Variants in PTPN9 observed in about 807,000 individuals in gnomAD.
The protein encoded by PTPN9 is tyrosine-protein phosphatase non-receptor type 9.
A neutral mutation model predicts 69.8 loss-of-function variants in PTPN9; 26 were observed. That is an observed-to-expected ratio of 0.37 (90% CI 0.27 to 0.52). PTPN9 has a LOEUF of 0.52. PTPN9 is among the 20% of genes least tolerant of loss of function. The pLI, the probability that PTPN9 is intolerant of heterozygous loss-of-function variation, is 0.91. For synonymous variants in PTPN9, 274 were observed against 272.5 expected (o/e 1.01, Z -0.05); for missense variants, 549 against 740.3 (o/e 0.74, Z 3.00).
At chr15:75,480,533 C>G (rs1476300898) in intron 8 of PTPN9, 1 of 344,342 alleles carries the variant, frequency 2.9e-6, no homozygotes, top group East Asian at 6.0e-5. Context: ...GGGCTGGGGT[C>G]GGTGGCTTAG....
rs1488952350 is a variant in PTPN9 at position 75,573,334 on chromosome 15, G to A, written c.63+5380C>T. Among the ~76,000 whole-genome samples, 6 of 152,246 alleles carry A rather than the reference G, an allele frequency of 3.9e-5. No homozygotes were observed. The East Asian group carries it at 7.7e-4, about 20-fold the overall frequency. ...AGGAGTTTAGAAAAGATACTGTTAC[G>A]ATTGTTATTCATATAAGCTCCTTAA... On this transcript the variant is annotated intron_variant, in intron 1 of 12. Coordinates refer to ENST00000618819, the MANE Select transcript of PTPN9 (RefSeq NM_002833.4).
intron 8 of PTPN9, among the ~76,000 whole-genome samples, chr15:75,482,986 A>G (rs2074652698): frequency 6.6e-6 from 1 of 152,096 alleles, no homozygotes; most frequent in Non-Finnish European, 1.5e-5. Context: ...ATCATCAGCC[A>G]TCATGGAAAT....
In PTPN9 at chr15:75,490,053, T is replaced by C. The variant is rs76740556; in HGVS notation, c.1062+155A>G. ...AGATGGGCATTTGAGGACTTGCCTA[T>C]GGTCACAGACTAGTATGTAGCAAAA... is the stretch of plus-strand genomic sequence containing the variant. On this transcript the variant is annotated intron_variant, in intron 8 of 12. Transcript: ENST00000618819. Among the ~76,000 whole-genome samples, 18 of 152,358 alleles carry C rather than the reference T, an allele frequency of 1.2e-4. No individual in the cohort carries two copies. The East Asian group carries it at 3.5e-3, about 29-fold the overall frequency.
At chr15:75,513,669 A>C (rs2074854297) in intron 5 of PTPN9, among the ~76,000 whole-genome samples, 1 of 151,980 alleles carries the variant, frequency 6.6e-6, no homozygotes, top group African/African-American at 2.4e-5. Flanking sequence ...TGGGAGGCTG[A>C]GGCAGGAGAA....
intron 5 of PTPN9, among the ~76,000 whole-genome samples, chr15:75,516,157 G>T (rs2074868316): frequency 6.6e-6 from 1 of 152,072 alleles, no homozygotes; most frequent in Non-Finnish European, 1.5e-5. Flanking sequence ...CATAACACAG[G>T]TTGGGTATTC....
intron 4 of PTPN9, among the ~76,000 whole-genome samples, chr15:75,520,893 T>C (rs1040065475): frequency 6.6e-6 from 1 of 151,970 alleles, no homozygotes; most frequent in Non-Finnish European, 1.5e-5. Context: ...AGCCTCGACC[T>C]CCCAGGGCTC....
At chr15:75,575,742 AC>A (rs2075169563) in intron 1 of PTPN9, among the ~76,000 whole-genome samples, 1 of 148,670 alleles carries the variant, frequency 6.7e-6, no homozygotes, top group South Asian at 2.1e-4. Flanking sequence ...ACATGGGGAA[AC>A]CCCGTCTCTA....
intron 1 of PTPN9, among the ~76,000 whole-genome samples, chr15:75,574,576 A>T (rs1220355110): frequency 6.6e-6 from 1 of 152,204 alleles, no homozygotes; most frequent in Non-Finnish European, 1.5e-5. Context: ...GCAGTGTCCA[A>T]GACTTCTGGG....
At chr15:75,563,329 C>T (rs764455685) in intron 1 of PTPN9, among the ~76,000 whole-genome samples, 22 of 152,192 alleles carry the variant, frequency 1.4e-4, no homozygotes, top group Middle Eastern at 3.2e-3. Context: ...GCTGGGATTA[C>T]AGGCACCTGC....
intron 1 of PTPN9, among the ~76,000 whole-genome samples, chr15:75,538,280 A>G (rs989340036): frequency 1.1e-4 from 17 of 152,178 alleles, no homozygotes; most frequent in African/African-American, 3.9e-4. Flanking sequence ...TAGGCCCCGT[A>G]ATTTTTTTCT....
chr15:75,537,443 T>TA (rs71140168), intron 1 of PTPN9, among the ~76,000 whole-genome samples: 725 of 20,364 alleles, frequency 0.036, 237 homozygotes, highest in Non-Finnish European at 0.04. Context: ...ATATCTTCCC[T>TA]AAAAAAAAAA....
At chr15:75,481,117 C>T (rs1409293186) in intron 8 of PTPN9, among the ~76,000 whole-genome samples, 5 of 57,390 alleles carry the variant, frequency 8.7e-5, no homozygotes. Context: ...GCGCCTCTGC[C>T]CCGCCGCCCC....
chr15:75,503,968 G>A (rs1200510115), intron 7 of PTPN9, among the ~76,000 whole-genome samples: 2 of 118,128 alleles, frequency 1.7e-5, no homozygotes, highest in African/African-American at 6.7e-5. Flanking sequence ...CTGCCCAGCC[G>A]CCCCTACTGG....
intron 1 of PTPN9, among the ~76,000 whole-genome samples, chr15:75,537,070 G>A (rs1394860080): frequency 6.6e-6 from 1 of 152,088 alleles, no homozygotes; most frequent in Non-Finnish European, 1.5e-5. Flanking sequence ...AGTGATTGCA[G>A]GCCAGGCATG....
chr15:75,464,847 A>T lies in PTPN9; in HGVS notation c.*3922T>A, dbSNP rs181896793. On this transcript the variant is annotated 3_prime_UTR_variant, in exon 13 of 13. Transcript: ENST00000618819. ...CTGTCATTTACCTGCATACTGTCAC[A>T]TGAAGACTGATAAGGGTGGGCCTCC... 1 of 152,196 alleles carries T rather than the reference A, an allele frequency of 6.6e-6. No homozygotes were observed. Among genetic ancestry groups the T allele is most frequent in the East Asian group, 1.9e-4 (1 of 5,196 alleles). 9.4% of individuals were successfully genotyped at this position (152,196 alleles called of 1,614,324 possible). A position where few individuals can be genotyped will look rare whatever the true frequency, so the allele number is the denominator to read the frequency against.
At chr15:75,507,209 T>A (rs189408841) in intron 6 of PTPN9, among the ~76,000 whole-genome samples, 34 of 151,862 alleles carry the variant, frequency 2.2e-4, no homozygotes, top group African/African-American at 7.7e-4. Context: ...TTTGGGAGGC[T>A]GAGGCAGGTG....
intron 1 of PTPN9, among the ~76,000 whole-genome samples, chr15:75,564,927 C>G (rs983752187): frequency 6.6e-6 from 1 of 151,760 alleles, no homozygotes; most frequent in East Asian, 1.9e-4. Flanking sequence ...CATGGTGAAA[C>G]CCCGTCTCTA....
chr15:75,531,950 C>T (rs951019617), intron 1 of PTPN9, among the ~76,000 whole-genome samples: 9 of 152,054 alleles, frequency 5.9e-5, no homozygotes, highest in Non-Finnish European at 1.2e-4. Flanking sequence ...AATAAAACAC[C>T]AGAATAATAG....
Position 75,523,252 on chromosome 15 carries a change from C to G in PTPN9, c.298-7G>C, listed in dbSNP as rs1303772960. 1 of 1,610,278 alleles carries G rather than the reference C, an allele frequency of 6.2e-7. No homozygotes were observed. The highest frequency in any genetic ancestry group is 8.5e-7 in the Non-Finnish European group (1 of 1,178,930). Reference sequence around the variant, plus strand: ...CTGTTGGGTCCCGAACATTCTAAAGCAAATAAAACAAGAAACATTAAAAAA... The same window carrying G: ...CTGTTGGGTCCCGAACATTCTAAAGGAAATAAAACAAGAAACATTAAAAAA... On this transcript the variant is annotated splice_polypyrimidine_tract_variant and splice_region_variant and intron_variant, in intron 3 of 12. Transcript: ENST00000618819.
Sources: gnomAD v4.1 joint callset for allele counts (sites outside exome capture counted in the v4.1 genomes callset) on GRCh38, gnomAD v4.1.1 for gene constraint, MANE v1.5 for transcripts, NCBI Gene and HGNC (gene_info 2026-07-23, HGNC 2026-07-21) for gene names.